Variants in PTPRC observed in about 807,000 individuals in gnomAD.
The protein encoded by PTPRC is protein tyrosine phosphatase receptor type C.
A neutral mutation model predicts 155.9 loss-of-function variants in PTPRC; 44 were observed. The observed-to-expected ratio is 0.28, with a 90% CI of 0.22 to 0.36. The LOEUF (loss-of-function observed/expected upper bound fraction) is 0.36. PTPRC is among the 10% of genes least tolerant of loss of function. The probability of loss-of-function intolerance (pLI) is 1.00; values close to 1 mark genes in which losing one functional copy is unlikely to be tolerated. For synonymous variants in PTPRC, 525 were observed against 533.1 expected, an observed-to-expected ratio of 0.98 and a Z score of 0.21; for missense variants, 1,401 against 1,564.6, an observed-to-expected ratio of 0.90 and a Z score of 1.76.
intron 30 of PTPRC, 22 bp from the exon 31 acceptor site, chr1:198,752,572 C>G: frequency 6.2e-7 from 1 of 1,606,118 alleles, no homozygotes; most frequent in Non-Finnish European, 8.5e-7. Context: ...CCAGTTAATG[C>G]TCTCTTCAAT....
Position 198,699,575 on chromosome 1 carries a change from G to A in PTPRC, c.310G>A (p.Val104Ile), listed in dbSNP as rs988779141. The change falls in exon 5 of 33, where the codon GTA (valine) becomes ATA (isoleucine). Residue 104 changes from valine (V) to isoleucine (I), a missense_variant. This residue lies in a region of PTPRC where 867 missense variants were observed against 970.4 expected (regional missense o/e 0.89). Coordinates refer to ENST00000442510, the MANE Select transcript of PTPRC (RefSeq NM_002838.5). The stretch of plus-strand genomic sequence containing the variant: ...CTTTCCTACCTTAGGTGTTTCATCA[G>A]TACAGACGCCTCACCTTCCCACGCA... The part of the protein sequence containing the change: ...SAFNTTGVSS[V>I]QTPHLPTHAD... The A allele has an allele frequency of 6.2e-7, 1 of 1,614,068 alleles. No individual in the cohort carries two copies. Among genetic ancestry groups the A allele is most frequent in the Non-Finnish European group, 8.5e-7 (1 of 1,180,050 alleles).
intron 2 of PTPRC, among the ~76,000 whole-genome samples, chr1:198,674,890 T>A (rs1214581506): frequency 6.6e-6 from 1 of 152,180 alleles, no homozygotes; most frequent in Non-Finnish European, 1.5e-5. Context: ...ACAATGCTAT[T>A]AACCAAATTA....
At chr1:198,646,125 G>GA (rs1432128877) in intron 2 of PTPRC, among the ~76,000 whole-genome samples, 1 of 151,548 alleles carries the variant, frequency 6.6e-6, no homozygotes, top group Non-Finnish European at 1.5e-5. Flanking sequence ...AATTTTGGAG[G>GA]AAAAAAACTC....
intron 2 of PTPRC, among the ~76,000 whole-genome samples, chr1:198,680,560 G>T (rs182851201): frequency 5.3e-5 from 8 of 151,814 alleles, no homozygotes; most frequent in African/African-American, 1.7e-4. Flanking sequence ...TAAAGACTTT[G>T]GAATCTCCTA....
intron 2 of PTPRC, among the ~76,000 whole-genome samples, chr1:198,650,446 G>T (rs1027718638): frequency 1.3e-5 from 2 of 151,794 alleles, no homozygotes; most frequent in African/African-American, 4.8e-5. Context: ...AGAAAGGAAA[G>T]ACTGACATAG....
In PTPRC at chr1:198,699,686, G is replaced by A; in HGVS notation, c.421G>A (p.Gly141Ser). The A allele has an allele frequency of 6.2e-7, 1 of 1,614,132 alleles. No homozygotes were observed. The highest frequency in any genetic ancestry group is 8.5e-7 in the Non-Finnish European group (1 of 1,180,034). ...AANAKLNPTP[G>S]SNAISDVPGE... ...CAATGCAAAACTCAACCCTACCCCAGGCAGCAATGCTATCTCAGGTTTGCG... is the reference window on the plus strand; with the variant it reads ...CAATGCAAAACTCAACCCTACCCCAAGCAGCAATGCTATCTCAGGTTTGCG... Residue 141 changes from glycine to serine, a missense_variant, in exon 5 of 33, where the codon GGC becomes AGC. Physicochemically the swap from Gly to Ser is moderately conservative, Grantham distance 56. Around this residue, in one of 3 missense-constraint regions of PTPRC, gnomAD observed 867 missense variants for 970.4 expected, o/e 0.89. Coordinates refer to ENST00000442510, the MANE Select transcript of PTPRC (RefSeq NM_002838.5).
chr1:198,721,853 G>T lies in PTPRC; in HGVS notation c.1660-563G>T, dbSNP rs537761013. On this transcript the variant is annotated intron_variant, in intron 14 of 32. Coordinates refer to ENST00000442510, the MANE Select transcript of PTPRC (RefSeq NM_002838.5). ...AAATATATTTTACTTAAATTTTTTT[G>T]GTCAAGGATTCTTACTGCTCTTTTG... is the stretch of plus-strand genomic sequence containing the variant. Among the ~76,000 whole-genome samples, 5 of 150,500 alleles carry T rather than the reference G, an allele frequency of 3.3e-5. No individual in the cohort carries two copies. In the South Asian group the frequency reaches 1.0e-3, roughly 31 times the overall value.
intron 2 of PTPRC, among the ~76,000 whole-genome samples, chr1:198,659,968 A>G (rs1207644532): frequency 6.7e-6 from 1 of 149,284 alleles, no homozygotes; most frequent in Non-Finnish European, 1.5e-5. Flanking sequence ...ATGGACATAT[A>G]TATCTATATA....
chr1:198,688,078 G>GGT lies in PTPRC; in HGVS notation c.74-4250_74-4249dup, dbSNP rs139116095. Among the ~76,000 whole-genome samples the GGT allele has an allele frequency of 2.1e-3, 318 of 148,546 alleles. No individual in the cohort carries two copies. In the East Asian group the frequency reaches 0.027, roughly 13 times the overall value. ...TTTAAAAAGATAAAATGGTGTGTGG[G>GGT]GTGTGTGTGTGTGTGTGTGTCTGTG... is the stretch of plus-strand genomic sequence containing the variant. On this transcript the variant is annotated intron_variant, in intron 2 of 32. Coordinates refer to ENST00000442510, the MANE Select transcript of PTPRC (RefSeq NM_002838.5).
At chr1:198,703,411 T>C (rs754475958) in intron 7 of PTPRC, 39 bp downstream of exon 7, 3 of 1,608,860 alleles carry the variant, frequency 1.9e-6, no homozygotes, top group Admixed American at 3.3e-5. Context: ...ACCATCCCCA[T>C]GTGCCTGGTG....
intron 3 of PTPRC, chr1:198,694,034 G>A (rs1234832172): frequency 1.3e-6 from 2 of 1,548,564 alleles, no homozygotes; most frequent in Non-Finnish European, 1.7e-6. Flanking sequence ...TGCAAGCTGA[G>A]GAGCAAGGAA....
intron 8 of PTPRC, among the ~76,000 whole-genome samples, chr1:198,705,691 G>T (rs1182890153): frequency 6.6e-6 from 1 of 151,964 alleles, no homozygotes; most frequent in Non-Finnish European, 1.5e-5. Flanking sequence ...AAAATGCTAG[G>T]ATTACAGGCA....
At chr1:198,653,939 T>A (rs1290427363) in intron 2 of PTPRC, among the ~76,000 whole-genome samples, 1 of 151,906 alleles carries the variant, frequency 6.6e-6, no homozygotes, top group East Asian at 1.9e-4. Context: ...AACTTGCCTT[T>A]TTTCTAGGCC....
At chr1:198,700,897 G>A (rs1223923333) in intron 5 of PTPRC, among the ~76,000 whole-genome samples, 1 of 152,150 alleles carries the variant, frequency 6.6e-6, no homozygotes. Flanking sequence ...AGGAAGTTTC[G>A]GGAGGTTGAG....
At chr1:198,705,788 A>G (rs1323406711) in intron 8 of PTPRC, among the ~76,000 whole-genome samples, 2 of 151,956 alleles carry the variant, frequency 1.3e-5, no homozygotes, top group African/African-American at 4.8e-5. Flanking sequence ...CTTCCTCTAC[A>G]ATTGGAATTC....
At chr1:198,738,432 T>C (rs918258091) in intron 23 of PTPRC, among the ~76,000 whole-genome samples, 1 of 151,898 alleles carries the variant, frequency 6.6e-6, no homozygotes, top group African/African-American at 2.4e-5. Flanking sequence ...TTCATTCTGT[T>C]GATATAATGT....
chr1:198,710,341 AG>A, intron 11 of PTPRC, among the ~76,000 whole-genome samples: 1 of 152,196 alleles, frequency 6.6e-6, no homozygotes, highest in Admixed American at 6.5e-5. Context: ...GCTGCTTTGT[AG>A]TAAATTTTGA....
intron 17 of PTPRC, 138 bp from the exon 18 acceptor site, chr1:198,731,479 G>C: frequency 1.5e-6 from 1 of 678,292 alleles, no homozygotes; most frequent in Non-Finnish European, 2.7e-6. Flanking sequence ...GTTTGTATGT[G>C]AGTGAGATTT....
intron 25 of PTPRC, among the ~76,000 whole-genome samples, chr1:198,743,154 C>G (rs1248266731): frequency 7.2e-6 from 1 of 138,872 alleles, no homozygotes; most frequent in East Asian, 2.1e-4. Context: ...AATAGGAAGA[C>G]AAAATGTGGA....
Sources: allele counts gnomAD v4.1 joint callset (sites outside exome capture counted in the v4.1 genomes callset), GRCh38; gene constraint gnomAD v4.1.1; regional missense constraint gnomAD v4.1.1; transcripts MANE v1.5; gene names NCBI Gene and HGNC (gene_info 2026-07-23, HGNC 2026-07-21).